The following KIAA1671 variants were observed in gnomAD, a reference collection of about 807,000 sequenced individuals.
KIAA1671 encodes uncharacterized protein KIAA1671.
Under a neutral mutation model 131.2 loss-of-function variants are expected in KIAA1671, and 52 were observed. That is an observed-to-expected ratio of 0.40 (90% CI 0.32 to 0.50). The LOEUF (loss-of-function observed/expected upper bound fraction) is 0.50. Ranked by LOEUF, KIAA1671 falls within the 20% of genes least tolerant of loss-of-function variation. The probability of loss-of-function intolerance (pLI) is 0.73; values close to 1 mark genes in which losing one functional copy is unlikely to be tolerated. For synonymous variants in KIAA1671, 1,003 were observed against 961.6 expected (o/e 1.04, Z -0.80); for missense variants, 2,360 against 2,364.2 (o/e 1.00, Z 0.04).
chr22:25,170,875 C>A lies in KIAA1671; in HGVS notation c.4586C>A (p.Thr1529Asn). ...RQPTEPKDTD[T>N]LVHEAGSQYG... Reference sequence around the variant, plus strand: ...CCCACTGAACCCAAGGACACTGACACCCTCGTGCACGAAGCCGGCAGCCAG... The same window carrying A: ...CCCACTGAACCCAAGGACACTGACAACCTCGTGCACGAAGCCGGCAGCCAG... The change falls in exon 7 of 13, where the codon ACC becomes AAC. Residue 1529 changes from threonine to asparagine, a missense_variant. Transcript: ENST00000358431. 2 of 1,551,684 alleles carry A rather than the reference C, an allele frequency of 1.3e-6. No homozygotes were observed. The highest frequency in any genetic ancestry group is 1.7e-6 in the Non-Finnish European group (2 of 1,147,008).
In KIAA1671 at chr22:25,166,767, G is replaced by A. The variant is rs188356416; in HGVS notation, c.4531-4053G>A. ...TGTGAAAACTGAGGCTTGGATGGGT[G>A]GGGTCACTTAGCCAGGCCACACAGC... On this transcript the variant is annotated intron_variant, in intron 6 of 12. Coordinates refer to ENST00000358431, the MANE Select transcript of KIAA1671 (RefSeq NM_001145206.2). 1.1e-3 allele frequency among the ~76,000 whole-genome samples: 164 copies of A among 152,280 alleles called. 1 individual carries two copies. Among genetic ancestry groups the A allele is most frequent in the East Asian group, 2.1e-3 (11 of 5,176 alleles).
intron 6 of KIAA1671, chr22:25,060,585 A>G (rs1928105711): frequency 6.6e-6 from 1 of 152,204 alleles, no homozygotes; most frequent in Admixed American, 6.5e-5. Flanking sequence ...CACACTTGTT[A>G]TCTCACTGGA....
intron 1 of KIAA1671, among the ~76,000 whole-genome samples, chr22:24,973,480 C>G (rs767536626): frequency 3.0e-5 from 4 of 135,272 alleles, no homozygotes; most frequent in Non-Finnish European, 6.2e-5. Flanking sequence ...CTCACTGCAA[C>G]CTCCACCTCC....
chr22:25,019,050 TTGTG>T (rs377368958), intron 1 of KIAA1671, among the ~76,000 whole-genome samples: 59,110 of 144,032 alleles, frequency 0.41, 13,664 homozygotes, highest in Middle Eastern at 0.55. Context: ...AATAGTTGTT[TTGTG>T]TGTGTGTGTG....
At chr22:25,180,549 G>A (rs1429430897) in intron 9 of KIAA1671, among the ~76,000 whole-genome samples, 1 of 150,220 alleles carries the variant, frequency 6.7e-6, no homozygotes, top group African/African-American at 2.5e-5. Flanking sequence ...AAAAAAAAAA[G>A]AAGAAAAAAT....
intron 1 of KIAA1671, among the ~76,000 whole-genome samples, chr22:24,973,232 T>G (rs1171140143): frequency 6.6e-6 from 1 of 152,094 alleles, no homozygotes; most frequent in Middle Eastern, 3.4e-3. Flanking sequence ...AATGGACTTG[T>G]GCTCAGGGGC....
intron 1 of KIAA1671, among the ~76,000 whole-genome samples, chr22:24,991,013 T>C (rs1473043457): frequency 2.0e-5 from 3 of 151,992 alleles, no homozygotes; most frequent in Non-Finnish European, 4.4e-5. Flanking sequence ...AGGGACCCTT[T>C]CTTCTTTAAT....
intron 6 of KIAA1671, 83 bp downstream of exon 6, chr22:25,049,447 C>T: frequency 6.8e-7 from 1 of 1,463,298 alleles, no homozygotes; most frequent in South Asian, 1.3e-5. Context: ...GGTGGAGCAT[C>T]TGGACAGCCC....
chr22:25,036,068 C>A (rs1926575966), intron 4 of KIAA1671, among the ~76,000 whole-genome samples: 1 of 152,042 alleles, frequency 6.6e-6, no homozygotes, highest in African/African-American at 2.4e-5. Flanking sequence ...GAGATGCTGT[C>A]TTTATTTTAT....
chr22:25,122,299 A>G (rs993907890), intron 6 of KIAA1671, among the ~76,000 whole-genome samples: 18 of 152,058 alleles, frequency 1.2e-4, no homozygotes, highest in Admixed American at 1.1e-3. Context: ...ATTGATTGCC[A>G]TGGTAACACC....
At chr22:25,078,895 G>A (rs1819329947) in intron 6 of KIAA1671, among the ~76,000 whole-genome samples, 1 of 152,154 alleles carries the variant, frequency 6.6e-6, no homozygotes, top group South Asian at 2.1e-4. Flanking sequence ...AACGGGCTTG[G>A]AGTCAGTCTC....
At chr22:24,996,060 T>C (rs1352524300) in intron 1 of KIAA1671, among the ~76,000 whole-genome samples, 1 of 152,330 alleles carries the variant, frequency 6.6e-6, no homozygotes, top group East Asian at 1.9e-4. Context: ...GGGCAGGTGG[T>C]GTTCATCTGA....
chr22:25,180,656 A>G (rs937575758), intron 9 of KIAA1671, among the ~76,000 whole-genome samples: 1 of 152,196 alleles, frequency 6.6e-6, no homozygotes, highest in Non-Finnish European at 1.5e-5. Flanking sequence ...GCCTTTGTTC[A>G]TTTGGGATTT....
At chr22:24,982,943 T>A (rs189448003) in intron 1 of KIAA1671, among the ~76,000 whole-genome samples, 75 of 152,210 alleles carry the variant, frequency 4.9e-4, no homozygotes, top group African/African-American at 1.7e-3. Flanking sequence ...CTTGGATGAG[T>A]CCCTTGGCCT....
At chr22:25,187,974 G>A (rs1363198401) in intron 11 of KIAA1671, among the ~76,000 whole-genome samples, 1 of 152,146 alleles carries the variant, frequency 6.6e-6, no homozygotes, top group Non-Finnish European at 1.5e-5. Flanking sequence ...ATTTTGATTT[G>A]AGTACCTTTC....
intron 6 of KIAA1671, among the ~76,000 whole-genome samples, chr22:25,161,330 A>G (rs1352316447): frequency 3.9e-5 from 6 of 152,206 alleles, no homozygotes; most frequent in Non-Finnish European, 1.5e-5. Context: ...GATGGGGAGG[A>G]TGCCCACGTA....
intron 6 of KIAA1671, among the ~76,000 whole-genome samples, chr22:25,109,306 C>T (rs1410433177): frequency 2.0e-5 from 3 of 152,060 alleles, no homozygotes; most frequent in Non-Finnish European, 2.9e-5. Flanking sequence ...GACGGGGTTT[C>T]ACCATGTTGG....
chr22:25,098,198 G>T (rs980616838), intron 6 of KIAA1671, among the ~76,000 whole-genome samples: 1 of 152,212 alleles, frequency 6.6e-6, no homozygotes, highest in Admixed American at 6.5e-5. Flanking sequence ...AGCAGAGAAG[G>T]CTTCCTGGAG....
chr22:24,999,338 C>T (rs1470300554), intron 1 of KIAA1671, among the ~76,000 whole-genome samples: 1 of 151,986 alleles, frequency 6.6e-6, no homozygotes, highest in African/African-American at 2.4e-5. Flanking sequence ...GGGCTCAATT[C>T]ACCCACCTCA....
Sources: gnomAD v4.1 joint callset for allele counts (sites outside exome capture counted in the v4.1 genomes callset) on GRCh38, gnomAD v4.1.1 for gene constraint, MANE v1.5 for transcripts, NCBI Gene and HGNC (gene_info 2026-07-23, HGNC 2026-07-21) for gene names.